SOX12: variants seen among roughly 807,000 people sequenced by gnomAD.
SOX12 encodes transcription factor SOX-12.
In SOX12, 8 loss-of-function variants were observed where a neutral mutation model predicts 21.5. The ratio of observed to expected loss-of-function variants is 0.37; its 90% confidence interval spans 0.22 to 0.67. The LOEUF is 0.67. SOX12 is among the 30% of genes least tolerant of loss of function. The pLI is 0.56. For missense variants in SOX12, 400 were observed against 482.6 expected, an observed-to-expected ratio of 0.83 and a Z score of 1.60; for synonymous variants, 235 against 224.2, an observed-to-expected ratio of 1.05 and a Z score of -0.43.
At position 328,635 on chromosome 20, in the gene SOX12, G is replaced by A. The variant is rs1199077957; in HGVS notation, c.*1763G>A. On this transcript the variant is annotated 3_prime_UTR_variant, in exon 1 of 1. Coordinates refer to ENST00000342665, the MANE Select transcript of SOX12 (RefSeq NM_006943.4). ...GTGGTCTTGGAGAACTAGTCTCGTA[G>A]CTGAGGGGTGGGGTCCCTCTGTCTG... The A allele has an allele frequency of 6.0e-6, 1 of 165,780 alleles. No homozygotes were observed. Among genetic ancestry groups the A allele is most frequent in the African/African-American group, 2.4e-5 (1 of 41,188 alleles). 10.3% of individuals were successfully genotyped at this position (165,780 alleles called of 1,614,324 possible). A position where few individuals can be genotyped will look rare whatever the true frequency, so the allele number is the denominator to read the frequency against.
Position 329,380 on chromosome 20 carries a change from G to C in SOX12, c.*2508G>C, listed in dbSNP as rs1378834925. ...ATCGTGTTACTCCATTGTCAGAGGA[G>C]GAAACGGGGTCAGGCAGGAAAGCAA... On this transcript the variant is annotated 3_prime_UTR_variant, in exon 1 of 1. Transcript: ENST00000342665. The C allele has an allele frequency of 6.0e-6, 1 of 166,966 alleles. No homozygotes were observed. The highest frequency in any genetic ancestry group is 1.5e-5 in the Non-Finnish European group (1 of 68,138). The allele number at this position is 166,966 out of a possible 1,614,324, so 10.3% of individuals were successfully genotyped here.
chr20:326,559 C>T lies in SOX12; in HGVS notation c.635C>T (p.Ala212Val). ...CAAGGGCCGTCGGGCGAGGGGGCGG[C>T]CGCCGCCGCCGCCGCCTCCCCGACA... ...RAQGPSGEGA[A>V]AAAAASPTPS... Residue 212 changes from alanine (A) to valine (V), a missense_variant, in exon 1 of 1, where the codon GCC (alanine) becomes GTC (valine). Around this residue, in one of 4 missense-constraint regions of SOX12, gnomAD observed 235 missense variants for 219.3 expected, o/e 1.07. Coordinates refer to ENST00000342665, the MANE Select transcript of SOX12 (RefSeq NM_006943.4). This position sits in a 1 kb window ranked among gnomAD's most constrained non-coding sequence, Gnocchi z 9.9. The T allele has an allele frequency of 1.3e-6, 2 of 1,490,398 alleles. No homozygotes were observed. Among genetic ancestry groups the T allele is most frequent in the Non-Finnish European group, 1.8e-6 (2 of 1,122,998 alleles). 92.3% of individuals were successfully genotyped at this position (1,490,398 alleles called of 1,614,324 possible).
Position 327,224 on chromosome 20 carries a change from T to G in SOX12, c.*352T>G. On this transcript the variant is annotated 3_prime_UTR_variant, in exon 1 of 1. Transcript: ENST00000342665. The stretch of plus-strand genomic sequence containing the variant: ...CCTCGTGGCCGGAGGACCCGCCCCC[T>G]CCTTTGCTCCGGAATCTCTCCTCCC... 7.8e-6 allele frequency: 2 copies of G among 256,388 alleles called. No individual in the cohort carries two copies. Among genetic ancestry groups the G allele is most frequent in the Non-Finnish European group, 1.6e-5 (2 of 125,228 alleles). The allele number at this position is 256,388 out of a possible 1,614,324, so 15.9% of individuals were successfully genotyped here.
chr20:326,520 A>G lies in SOX12; in HGVS notation c.596A>G (p.Gln199Arg). ...MVPAGRAARG[Q>R]AERAQGPSGE... is the part of the protein sequence containing the mutation. ...CCGGCGGGACGGGCCGCTCGGGGAC[A>G]AGCGGAGCGCGCCCAAGGGCCGTCG... The change falls in exon 1 of 1, where the codon CAA becomes CGA. Residue 199 changes from glutamine (Q) to arginine (R), a missense_variant. Gln to Arg is a conservative substitution (Grantham distance 43). Transcript: ENST00000342665. This position sits in a 1 kb window ranked among gnomAD's most constrained non-coding sequence, Gnocchi z 9.9. The G allele has an allele frequency of 6.8e-7, 1 of 1,460,522 alleles. No homozygotes were observed. The highest frequency in any genetic ancestry group is 8.9e-7 in the Non-Finnish European group (1 of 1,119,150). The allele number at this position is 1,460,522 out of a possible 1,614,324, so 90.5% of individuals were successfully genotyped here. A position where few individuals can be genotyped will look rare whatever the true frequency, so the allele number is the denominator to read the frequency against.
In SOX12 at chr20:325,974, C is replaced by T. The variant is rs2122429513; in HGVS notation, c.50C>T (p.Pro17Leu). The change falls in exon 1 of 1, where the codon CCC becomes CTC. Residue 17 changes from proline to leucine, a missense_variant. Physicochemically the swap from Pro to Leu is moderately conservative, Grantham distance 98. Around this residue, in one of 4 missense-constraint regions of SOX12, gnomAD observed 56 missense variants for 51.5 expected, o/e 1.09. Transcript: ENST00000342665. This position sits in a 1 kb window ranked among gnomAD's most constrained non-coding sequence, Gnocchi z 5.0. ...ARAKRDGGPP[P>L]PGPGPAEEGA... is the part of the protein sequence containing the mutation. ...GCCAAGCGGGACGGCGGGCCGCCGC[C>T]CCCGGGACCCGGGCCGGCCGAGGAG... The T allele has an allele frequency of 7.0e-7, 1 of 1,419,856 alleles. No individual in the cohort carries two copies. Among genetic ancestry groups the T allele is most frequent in the East Asian group, 3.1e-5 (1 of 32,120 alleles). The allele number at this position is 1,419,856 out of a possible 1,614,324, so 88.0% of individuals were successfully genotyped here. A position where few individuals can be genotyped will look rare whatever the true frequency, so the allele number is the denominator to read the frequency against.
Position 326,554 on chromosome 20 carries a change from G to A in SOX12, c.630G>A (p.Gly210=), listed in dbSNP as rs1348591336. Residue 210 remains glycine, a synonymous_variant, in exon 1 of 1, where the codon GGG becomes GGA. Coordinates refer to ENST00000342665, the MANE Select transcript of SOX12 (RefSeq NM_006943.4). This position sits in a 1 kb window ranked among gnomAD's most constrained non-coding sequence, Gnocchi z 9.9. The stretch of plus-strand genomic sequence containing the variant: ...GCGCCCAAGGGCCGTCGGGCGAGGG[G>A]GCGGCCGCCGCCGCCGCCGCCTCCC... ...AERAQGPSGE[G]AAAAAAASPT... is the part of the protein sequence containing the mutation. 6 of 1,515,182 alleles carry A rather than the reference G, an allele frequency of 4.0e-6. No homozygotes were observed. The highest frequency in any genetic ancestry group is 2.3e-5 in the Admixed American group (1 of 44,424). The allele number at this position is 1,515,182 out of a possible 1,614,324, so 93.9% of individuals were successfully genotyped here. A position where few individuals can be genotyped will look rare whatever the true frequency, so the allele number is the denominator to read the frequency against.
In SOX12 at chr20:325,661, C is replaced by G. The variant is rs974862166; in HGVS notation, c.-264C>G. 1 of 152,880 alleles carries G rather than the reference C, an allele frequency of 6.5e-6. No individual in the cohort carries two copies. Among genetic ancestry groups the G allele is most frequent in the East Asian group, 1.9e-4 (1 of 5,252 alleles). 9.5% of individuals were successfully genotyped at this position (152,880 alleles called of 1,614,324 possible). A position where few individuals can be genotyped will look rare whatever the true frequency, so the allele number is the denominator to read the frequency against. ...CCGGAGGGTGCGATTCCTCGGCCCCCGCAAAACAATGTGTGTTGTGAGCCA... is the reference window on the plus strand; with the variant it reads ...CCGGAGGGTGCGATTCCTCGGCCCCGGCAAAACAATGTGTGTTGTGAGCCA... On this transcript the variant is annotated 5_prime_UTR_variant, in exon 1 of 1. Coordinates refer to ENST00000342665, the MANE Select transcript of SOX12 (RefSeq NM_006943.4). The surrounding 1 kb of genome is among the most constrained non-coding windows in gnomAD (Gnocchi z 5.0).
At position 326,368 on chromosome 20, in the gene SOX12, C is replaced by T. The variant is rs1037691902; in HGVS notation, c.444C>T (p.Arg148=). The T allele has an allele frequency of 7.7e-7, 1 of 1,297,504 alleles. No individual in the cohort carries two copies. The highest frequency in any genetic ancestry group is 9.8e-7 in the Non-Finnish European group (1 of 1,024,658). The allele number at this position is 1,297,504 out of a possible 1,614,324, so 80.4% of individuals were successfully genotyped here. A position where few individuals can be genotyped will look rare whatever the true frequency, so the allele number is the denominator to read the frequency against. Reference sequence around the variant, plus strand: ...CGCAGCTGCCTGGCCGCGGGGGCCGCCGAGCAGCGGGAGGGCCTTTGGGGG... The same window carrying T: ...CGCAGCTGCCTGGCCGCGGGGGCCGTCGAGCAGCGGGAGGGCCTTTGGGGG... ...PGPQLPGRGG[R]RAAGGPLGGG... Residue 148 remains arginine (R), a synonymous_variant, in exon 1 of 1, where the codon CGC becomes CGT. Transcript: ENST00000342665. This position sits in a 1 kb window ranked among gnomAD's most constrained non-coding sequence, Gnocchi z 9.9.
At position 327,356 on chromosome 20, in the gene SOX12, T is replaced by C. The variant is rs1320084117; in HGVS notation, c.*484T>C. ...TGGGGGGAGGGGCGCACCCCTTTTA[T>C]CCCCGGAGCGCTAGGGCCCGCCCCT... On this transcript the variant is annotated 3_prime_UTR_variant, in exon 1 of 1. Transcript: ENST00000342665. The C allele has an allele frequency of 5.4e-6, 1 of 183,976 alleles. No homozygotes were observed. Among genetic ancestry groups the C allele is most frequent in the East Asian group, 1.9e-4 (1 of 5,330 alleles). 11.4% of individuals were successfully genotyped at this position (183,976 alleles called of 1,614,324 possible). A position where few individuals can be genotyped will look rare whatever the true frequency, so the allele number is the denominator to read the frequency against.
At position 329,661 on chromosome 20, in the gene SOX12, T is replaced by C. The variant is rs1432066002; in HGVS notation, c.*2789T>C. 6.0e-6 allele frequency: 1 copy of C among 167,206 alleles called. No individual in the cohort carries two copies. The highest frequency in any genetic ancestry group is 1.5e-5 in the Non-Finnish European group (1 of 68,200). 10.4% of individuals were successfully genotyped at this position (167,206 alleles called of 1,614,324 possible). A position where few individuals can be genotyped will look rare whatever the true frequency, so the allele number is the denominator to read the frequency against. Reference sequence around the variant, plus strand: ...TGTCTTTGAGGTTCTGACTGGTGTTTTACAACTGAGTCCAAGGCTTTTCCC... The same window carrying C: ...TGTCTTTGAGGTTCTGACTGGTGTTCTACAACTGAGTCCAAGGCTTTTCCC... On this transcript the variant is annotated 3_prime_UTR_variant, in exon 1 of 1. Transcript: ENST00000342665.
rs1243549493 is a variant in SOX12, at chr20:329,761, C to T, written c.*2889C>T. On this transcript the variant is annotated 3_prime_UTR_variant, in exon 1 of 1. Coordinates refer to ENST00000342665, the MANE Select transcript of SOX12 (RefSeq NM_006943.4). ...AGTGTATTCCTAAGCTGGGACAAAG[C>T]CTCTGTTTTCCCAGTAGGAGCCAGG... 1 of 167,148 alleles carries T rather than the reference C, an allele frequency of 6.0e-6. No homozygotes were observed. Among genetic ancestry groups the T allele is most frequent in the Non-Finnish European group, 1.5e-5 (1 of 68,152 alleles). 10.4% of individuals were successfully genotyped at this position (167,148 alleles called of 1,614,324 possible).
At position 327,178 on chromosome 20, in the gene SOX12, C is replaced by A; in HGVS notation, c.*306C>A. On this transcript the variant is annotated 3_prime_UTR_variant, in exon 1 of 1. Coordinates refer to ENST00000342665, the MANE Select transcript of SOX12 (RefSeq NM_006943.4). ...CCTCTCCTACAGACCTGCACCCCTC[C>A]CCCCTTTTGCACACGCCCCTCCTCG... 2.5e-6 allele frequency: 1 copy of A among 405,658 alleles called. No homozygotes were observed. The highest frequency in any genetic ancestry group is 4.7e-6 in the Non-Finnish European group (1 of 212,012). The allele number at this position is 405,658 out of a possible 1,614,324, so 25.1% of individuals were successfully genotyped here. A position where few individuals can be genotyped will look rare whatever the true frequency, so the allele number is the denominator to read the frequency against.
In SOX12 at chr20:327,803, G is replaced by A. The variant is rs1198006392; in HGVS notation, c.*931G>A. ...CCACCCAAGAAAACTAAAAACCAAG[G>A]CACCTTACCAGTCTGTCTGGGGACA... On this transcript the variant is annotated 3_prime_UTR_variant, in exon 1 of 1. Coordinates refer to ENST00000342665, the MANE Select transcript of SOX12 (RefSeq NM_006943.4). 1 of 167,094 alleles carries A rather than the reference G, an allele frequency of 6.0e-6. No homozygotes were observed. Among genetic ancestry groups the A allele is most frequent in the Non-Finnish European group, 1.5e-5 (1 of 68,212 alleles). 10.4% of individuals were successfully genotyped at this position (167,094 alleles called of 1,614,324 possible). A position where few individuals can be genotyped will look rare whatever the true frequency, so the allele number is the denominator to read the frequency against.
rs1003764768 is a variant in SOX12 at position 327,162 on chromosome 20, C to G, written c.*290C>G. 5 of 462,698 alleles carry G rather than the reference C, an allele frequency of 1.1e-5. No homozygotes were observed. Among genetic ancestry groups the G allele is most frequent in the African/African-American group, 8.1e-5 (4 of 49,268 alleles). 28.7% of individuals were successfully genotyped at this position (462,698 alleles called of 1,614,324 possible). On this transcript the variant is annotated 3_prime_UTR_variant, in exon 1 of 1. Coordinates refer to ENST00000342665, the MANE Select transcript of SOX12 (RefSeq NM_006943.4). ...CCGATACACCTCCCGTCCTCTCCTA[C>G]AGACCTGCACCCCTCCCCCCTTTTG...
In SOX12 at chr20:326,478, A is replaced by G; in HGVS notation, c.554A>G (p.Glu185Gly). 1 of 1,403,894 alleles carries G rather than the reference A, an allele frequency of 7.1e-7. No individual in the cohort carries two copies. Among genetic ancestry groups the G allele is most frequent in the Non-Finnish European group, 9.2e-7 (1 of 1,089,588 alleles). 87.0% of individuals were successfully genotyped at this position (1,403,894 alleles called of 1,614,324 possible). ...CGCCTGGTCGAGACCCCGGGGCGGG[A>G]GCTGTGGAGGATGGTCCCGGCGGGA... The part of the protein sequence containing the change: ...EVRLVETPGR[E>G]LWRMVPAGRA... Residue 185 changes from glutamate (E) to glycine (G), a missense_variant, in exon 1 of 1, where the codon GAG (glutamate) becomes GGG (glycine). By Grantham distance (98) the Glu-to-Gly change is moderately conservative. Around this residue, in one of 4 missense-constraint regions of SOX12, gnomAD observed 235 missense variants for 219.3 expected, o/e 1.07. Transcript: ENST00000342665. This position sits in a 1 kb window ranked among gnomAD's most constrained non-coding sequence, Gnocchi z 9.9.
chr20:326,297 C>T lies in SOX12; in HGVS notation c.373C>T (p.Arg125Cys). The change falls in exon 1 of 1, where the codon CGC (arginine) becomes TGC (cysteine). Residue 125 changes from arginine to cysteine, a missense_variant. Physicochemically the swap from Arg to Cys is radical, Grantham distance 180 (BLOSUM62 -3). Coordinates refer to ENST00000342665, the MANE Select transcript of SOX12 (RefSeq NM_006943.4). The surrounding 1 kb of genome is among the most constrained non-coding windows in gnomAD (Gnocchi z 9.9). Reference sequence around the variant, plus strand: ...GGGGGCGCCCGCCAAGGCGCGGCCCCGCCCCCCCGGTGGTAGCGGTGGCGG... The same window carrying T: ...GGGGGCGCCCGCCAAGGCGCGGCCCTGCCCCCCCGGTGGTAGCGGTGGCGG... Reference protein sequence around the residue: ...SKGAPAKARPRPPGGSGGGSR... With the variant: ...SKGAPAKARPCPPGGSGGGSR... 1.4e-6 allele frequency: 2 copies of T among 1,422,812 alleles called. No homozygotes were observed. Among genetic ancestry groups the T allele is most frequent in the Non-Finnish European group, 1.8e-6 (2 of 1,083,752 alleles). 88.1% of individuals were successfully genotyped at this position (1,422,812 alleles called of 1,614,324 possible).
chr20:329,054 G>T lies in SOX12; in HGVS notation c.*2182G>T, dbSNP rs2013153171. On this transcript the variant is annotated 3_prime_UTR_variant, in exon 1 of 1. Coordinates refer to ENST00000342665, the MANE Select transcript of SOX12 (RefSeq NM_006943.4). ...GTGGCCAGATTTTTCAAGAAAAGCT[G>T]GATGGATGTTTCTGAGTCATCTTAA... 1 of 167,002 alleles carries T rather than the reference G, an allele frequency of 6.0e-6. No individual in the cohort carries two copies. Among genetic ancestry groups the T allele is most frequent in the Non-Finnish European group, 1.5e-5 (1 of 68,128 alleles). 10.3% of individuals were successfully genotyped at this position (167,002 alleles called of 1,614,324 possible).
chr20:326,192 G>C lies in SOX12; in HGVS notation c.268G>C (p.Val90Leu), dbSNP rs2013083999. Residue 90 changes from valine (V) to leucine (L), a missense_variant, in exon 1 of 1, where the codon GTG (valine) becomes CTG (leucine). Coordinates refer to ENST00000342665, the MANE Select transcript of SOX12 (RefSeq NM_006943.4). The surrounding 1 kb of genome is among the most constrained non-coding windows in gnomAD (Gnocchi z 9.9). ...GCAGGACTCGGAGAAGATCCCGTTCGTGCGGGAGGCGGAGCGGCTGCGGCT... is the reference window on the plus strand; with the variant it reads ...GCAGGACTCGGAGAAGATCCCGTTCCTGCGGGAGGCGGAGCGGCTGCGGCT... Reference protein sequence around the residue: ...LLQDSEKIPFVREAERLRLKH... With the variant: ...LLQDSEKIPFLREAERLRLKH... 4.4e-6 allele frequency: 7 copies of C among 1,593,216 alleles called. No individual in the cohort carries two copies. Among genetic ancestry groups the C allele is most frequent in the Non-Finnish European group, 6.0e-6 (7 of 1,170,754 alleles).
Position 326,656 on chromosome 20 carries a change from G to C in SOX12, c.732G>C (p.Thr244=). The change falls in exon 1 of 1, where the codon ACG becomes ACC. Residue 244 remains threonine (T), a synonymous_variant. Coordinates refer to ENST00000342665, the MANE Select transcript of SOX12 (RefSeq NM_006943.4). This position sits in a 1 kb window ranked among gnomAD's most constrained non-coding sequence, Gnocchi z 9.9. Reference sequence around the variant, plus strand: ...CGGCTGAGGAAGGTGAAGAGGAGACGGTGGCGTCGGGGGAGGAGTCGCTGG... The same window carrying C: ...CGGCTGAGGAAGGTGAAGAGGAGACCGTGGCGTCGGGGGAGGAGTCGCTGG... The part of the protein sequence containing the change: ...AAAAEEGEEE[T]VASGEESLGF... 3.2e-6 allele frequency: 5 copies of C among 1,552,506 alleles called. No homozygotes were observed. The highest frequency in any genetic ancestry group is 4.4e-6 in the Non-Finnish European group (5 of 1,147,770).
Sources: gnomAD v4.1 joint callset for allele counts on GRCh38, gnomAD v4.1.1 for gene constraint, gnomAD v4.1.1 regional missense constraint, Gnocchi (gnomAD v3.1) non-coding constraint, MANE v1.5 for transcripts, NCBI Gene and HGNC (gene_info 2026-07-23, HGNC 2026-07-21) for gene names.